Variants in DOCK3 observed in about 807,000 individuals in gnomAD.
DOCK3 encodes the protein dedicator of cytokinesis 3, also known as dedicator of cytokinesis protein 3.
DOCK3 carries 60 observed loss-of-function variants against 265.6 expected under a neutral mutation model. The observed-to-expected ratio is 0.23, with a 90% confidence interval of 0.18 to 0.28. The LOEUF is 0.28. Ranked by LOEUF, DOCK3 falls within the 10% of genes least tolerant of loss-of-function variation. The probability of loss-of-function intolerance (pLI) is 1.00; values close to 1 mark genes in which losing one functional copy is unlikely to be tolerated. For missense variants in DOCK3, 1,981 were observed against 2,594.3 expected (o/e 0.76, Z 5.14); for synonymous variants, 881 against 938.0 (o/e 0.94, Z 1.11).
At chr3:51,019,958 A>T (rs1349333853) in intron 5 of DOCK3, among the ~76,000 whole-genome samples, 1 of 151,884 alleles carries the variant, frequency 6.6e-6, no homozygotes, top group Non-Finnish European at 1.5e-5. Context: ...ATGTGTCTTT[A>T]TAATAGAATG....
At chr3:50,873,611 G>A (rs1439458559) in intron 3 of DOCK3, among the ~76,000 whole-genome samples, 1 of 152,158 alleles carries the variant, frequency 6.6e-6, no homozygotes, top group African/African-American at 2.4e-5. Flanking sequence ...TCACCACTGG[G>A]ACTCACCTAG....
chr3:50,855,173 T>C (rs1359215216), intron 3 of DOCK3, among the ~76,000 whole-genome samples: 1 of 152,186 alleles, frequency 6.6e-6, no homozygotes, highest in Non-Finnish European at 1.5e-5. Context: ...TAAAATGATA[T>C]TGGTAATTTG....
At chr3:50,787,937 C>G (rs1395527583) in intron 2 of DOCK3, 5 of 1,030,080 alleles carry the variant, frequency 4.9e-6, no homozygotes, top group Admixed American at 1.8e-5. Context: ...GATCTGCTCC[C>G]TTTTGTAAAA....
At chr3:51,323,944 A>G (rs540991459) in intron 32 of DOCK3, among the ~76,000 whole-genome samples, 24 of 152,284 alleles carry the variant, frequency 1.6e-4, no homozygotes, top group African/African-American at 5.5e-4. Context: ...AGAGCTATTT[A>G]TGACAAACCC....
chr3:50,719,711 A>G (rs2037355521), intron 1 of DOCK3: 2 of 1,448,830 alleles, frequency 1.4e-6, no homozygotes, highest in East Asian at 4.6e-5. Context: ...TATGCTTCAG[A>G]GTGAAGTTCT....
chr3:51,369,691 C>T (rs2110473362), intron 49 of DOCK3, among the ~76,000 whole-genome samples: 1 of 152,078 alleles, frequency 6.6e-6, no homozygotes, highest in East Asian at 1.9e-4. Flanking sequence ...TGGAGAGAAG[C>T]CCACAGTAGG....
chr3:51,137,114 C>T (rs1308675893), intron 9 of DOCK3, among the ~76,000 whole-genome samples: 1 of 151,706 alleles, frequency 6.6e-6, no homozygotes, highest in Non-Finnish European at 1.5e-5. Context: ...TATAAAACCC[C>T]TTTTTTGTGT....
intron 9 of DOCK3, among the ~76,000 whole-genome samples, chr3:51,098,560 G>A (rs1366804387): frequency 1.3e-5 from 2 of 152,174 alleles, no homozygotes; most frequent in African/African-American, 4.8e-5. Context: ...AATGATGGGC[G>A]AGCACTTTTT....
At chr3:50,974,070 T>G (rs1357854057) in intron 5 of DOCK3, among the ~76,000 whole-genome samples, 10 of 151,048 alleles carry the variant, frequency 6.6e-5, no homozygotes, top group South Asian at 6.3e-4. Flanking sequence ...TTGCAAAAAT[T>G]TTCTCCCATT....
chr3:51,239,357 A>G (rs2078495773), intron 21 of DOCK3, among the ~76,000 whole-genome samples: 1 of 151,600 alleles, frequency 6.6e-6, no homozygotes, highest in Non-Finnish European at 1.5e-5. Context: ...CTACAGGCAT[A>G]TGCCACCACA....
rs546239243 is a variant in DOCK3 at position 51,375,849 on chromosome 3, G to A, written c.5500+14G>A. The A allele has an allele frequency of 1.9e-6, 3 of 1,613,926 alleles. No individual in the cohort carries two copies. Among genetic ancestry groups the A allele is most frequent in the Non-Finnish European group, 2.5e-6 (3 of 1,179,856 alleles). On this transcript the variant is annotated intron_variant, in intron 51 of 52. Coordinates refer to ENST00000266037, the MANE Select transcript of DOCK3 (RefSeq NM_004947.5). ...TGGCTGAAAAAGGTATTGTTGCCCA[G>A]GTGGCCTTCCCCCCATGTCTGTCCC...
chr3:50,820,365 C>T (rs2609031), intron 2 of DOCK3, among the ~76,000 whole-genome samples: 14,356 of 152,160 alleles, frequency 0.094, 837 homozygotes, highest in Non-Finnish European at 0.12. Context: ...GTGACCCTTA[C>T]GTTGCAAAAT....
intron 9 of DOCK3, among the ~76,000 whole-genome samples, chr3:51,100,048 T>TAAAG (rs10662173): frequency 0.9 from 135,919 of 151,240 alleles, 61,246 homozygotes; most frequent in African/African-American, 0.95. Flanking sequence ...AAAAACTAGA[T>TAAAG]AAAGAAAGAA....
intron 14 of DOCK3, among the ~76,000 whole-genome samples, chr3:51,219,984 T>G (rs570832701): frequency 6.6e-6 from 1 of 152,184 alleles, no homozygotes; most frequent in African/African-American, 2.4e-5. Flanking sequence ...TCACTGACTT[T>G]GTTGCAATGG....
intron 12 of DOCK3, among the ~76,000 whole-genome samples, chr3:51,202,612 C>A (rs1297249349): frequency 1.3e-5 from 2 of 152,076 alleles, no homozygotes; most frequent in Non-Finnish European, 2.9e-5. Context: ...GGTACCATTC[C>A]TTCTGAAACT....
intron 32 of DOCK3, among the ~76,000 whole-genome samples, chr3:51,316,197 A>T (rs963421870): frequency 6.6e-6 from 1 of 152,094 alleles, no homozygotes; most frequent in Non-Finnish European, 1.5e-5. Context: ...GCTCTTCATC[A>T]CTATAGTTGT....
chr3:50,791,191 T>A (rs1300230939), intron 2 of DOCK3, among the ~76,000 whole-genome samples: 4 of 152,020 alleles, frequency 2.6e-5, no homozygotes, highest in Admixed American at 2.6e-4. Flanking sequence ...TGTTCCTATG[T>A]TCCGAATGGT....
chr3:51,086,064 G>A (rs2109502199), intron 7 of DOCK3, among the ~76,000 whole-genome samples: 1 of 151,996 alleles, frequency 6.6e-6, no homozygotes, highest in South Asian at 2.1e-4. Flanking sequence ...TCAGAGCTGA[G>A]AGCCTCAAAC....
rs1307539171 is a variant in DOCK3 at position 51,315,146 on chromosome 3, G to T, written c.3402+18G>T. 1 of 1,585,434 alleles carries T rather than the reference G, an allele frequency of 6.3e-7. No individual in the cohort carries two copies. The highest frequency in any genetic ancestry group is 2.3e-5 in the East Asian group (1 of 43,852). ...TCAAACAGGTAAGACACCTGGCAGT[G>T]TTCGGGGTATTCTCTGGAATGGATC... is the stretch of plus-strand genomic sequence containing the variant. On this transcript the variant is annotated intron_variant, in intron 32 of 52. Transcript: ENST00000266037.
Sources: gnomAD v4.1 joint callset for allele counts (sites outside exome capture counted in the v4.1 genomes callset) on GRCh38, gnomAD v4.1.1 for gene constraint, MANE v1.5 for transcripts, NCBI Gene and HGNC (gene_info 2026-07-23, HGNC 2026-07-21) for gene names.